The following PTPRN2 variants were observed in gnomAD, a reference collection of about 807,000 sequenced individuals.
The protein encoded by PTPRN2 is receptor-type tyrosine-protein phosphatase N2.
A neutral mutation model predicts 118.8 loss-of-function variants in PTPRN2; 74 were observed. The ratio of observed to expected loss-of-function variants is 0.62; its 90% CI spans 0.52 to 0.76. PTPRN2 has a LOEUF of 0.76. Ranked by LOEUF, PTPRN2 falls within the 30% of genes least tolerant of loss-of-function variation. The pLI is 0.00. For synonymous variants in PTPRN2, 641 were observed against 608.0 expected (o/e 1.05, Z -0.80); for missense variants, 1,481 against 1,394.4 (o/e 1.06, Z -0.99).
At chr7:157,704,490 C>T (rs539805418) in intron 12 of PTPRN2, among the ~76,000 whole-genome samples, 116 of 152,354 alleles carry the variant, frequency 7.6e-4, no homozygotes, top group African/African-American at 2.6e-3. Flanking sequence ...CAAGAGACCA[C>T]GTGTGTGTGC....
chr7:158,370,007 G>A (rs184946829), intron 2 of PTPRN2, among the ~76,000 whole-genome samples: 1 of 152,308 alleles, frequency 6.6e-6, no homozygotes, highest in Non-Finnish European at 1.5e-5. Flanking sequence ...GTCCCGGGAA[G>A]TCACCTCAGT....
intron 2 of PTPRN2, among the ~76,000 whole-genome samples, chr7:158,447,244 TC>T (rs1320689778): frequency 6.6e-6 from 1 of 152,166 alleles, no homozygotes; most frequent in Non-Finnish European, 1.5e-5. Context: ...CCCTGCAGCC[TC>T]CACCGTTAAG....
chr7:158,471,789 T>C (rs1403581150), intron 2 of PTPRN2, among the ~76,000 whole-genome samples: 1 of 152,132 alleles, frequency 6.6e-6, no homozygotes, highest in Non-Finnish European at 1.5e-5. Flanking sequence ...ATCATTTCTC[T>C]GATTTCTGAA....
At position 157,895,518 on chromosome 7, in the gene PTPRN2, G is replaced by T. The variant is rs1020811537; in HGVS notation, c.1788+3155C>A. Among the ~76,000 whole-genome samples the T allele has an allele frequency of 2.0e-5, 3 of 152,252 alleles. No individual in the cohort carries two copies. In the South Asian group the frequency reaches 6.2e-4, roughly 32 times the overall value. Reference sequence around the variant, plus strand: ...ATCAAACACATAATCAAAGTAGAAGGCAAAATAACAGATTTGATAAATTAC... The same window carrying T: ...ATCAAACACATAATCAAAGTAGAAGTCAAAATAACAGATTTGATAAATTAC... On this transcript the variant is annotated intron_variant, in intron 12 of 22. Transcript: ENST00000389418.
Position 158,015,835 on chromosome 7 carries a change from C to T in PTPRN2, c.1723+65463G>A, listed in dbSNP as rs1221881056. Among the ~76,000 whole-genome samples the T allele has an allele frequency of 6.6e-6, 1 of 152,118 alleles. No individual in the cohort carries two copies. Among genetic ancestry groups the T allele is most frequent in the Non-Finnish European group, 1.5e-5 (1 of 68,030 alleles). Reference sequence around the variant, plus strand: ...ATTCACTACAGCCTAGTAATTAAGACAAAAATAGACACGGAAGCCGCGATC... The same window carrying T: ...ATTCACTACAGCCTAGTAATTAAGATAAAAATAGACACGGAAGCCGCGATC... On this transcript the variant is annotated intron_variant, in intron 11 of 22. Transcript: ENST00000389418. The surrounding 1 kb of genome is among the most constrained non-coding windows in gnomAD (Gnocchi z 4.2).
chr7:158,020,759 C>T (rs1346405811), intron 11 of PTPRN2, among the ~76,000 whole-genome samples: 1 of 152,146 alleles, frequency 6.6e-6, no homozygotes, highest in Non-Finnish European at 1.5e-5. Context: ...AAGTAGGGAT[C>T]CTGTGTCAAG....
intron 1 of PTPRN2, among the ~76,000 whole-genome samples, chr7:158,536,738 G>C (rs1369152415): frequency 6.6e-6 from 1 of 151,804 alleles, no homozygotes; most frequent in East Asian, 1.9e-4. Context: ...GAAGACACAA[G>C]GGCCTTCCCA....
chr7:158,381,732 T>C (rs915194510), intron 2 of PTPRN2, among the ~76,000 whole-genome samples: 1 of 152,210 alleles, frequency 6.6e-6, no homozygotes, highest in South Asian at 2.1e-4. Context: ...GATAAAGACA[T>C]ACCCGAGACT....
intron 13 of PTPRN2, among the ~76,000 whole-genome samples, chr7:157,661,192 CAGTG>C (rs1288683073): frequency 6.6e-6 from 1 of 152,278 alleles, no homozygotes; most frequent in African/African-American, 2.4e-5. Context: ...CGGCTCTCAC[CAGTG>C]GTCTCGCGTC....
intron 3 of PTPRN2, among the ~76,000 whole-genome samples, chr7:158,265,667 G>C (rs938350659): frequency 6.6e-6 from 1 of 152,236 alleles, no homozygotes; most frequent in Non-Finnish European, 1.5e-5. Context: ...AGGCCTGGCA[G>C]AACTGTGTGA....
At chr7:157,793,763 T>C (rs1196276540) in intron 12 of PTPRN2, among the ~76,000 whole-genome samples, 2 of 152,180 alleles carry the variant, frequency 1.3e-5, no homozygotes, top group Non-Finnish European at 2.9e-5. Context: ...GCATAATTCG[T>C]GGCACCCCTG....
rs1179479578 is a variant in PTPRN2 at position 157,598,981 on chromosome 7, C to G, written c.2419-3666G>C. On this transcript the variant is annotated intron_variant, in intron 16 of 22. Coordinates refer to ENST00000389418, the MANE Select transcript of PTPRN2 (RefSeq NM_002847.5). This position sits in a 1 kb window ranked among gnomAD's most constrained non-coding sequence, Gnocchi z 5.2. ...TTCATGAAAATCAACAGCCAGAAGG[C>G]AAGTACAATTAACAGTATAATTCTG... Among the ~76,000 whole-genome samples the G allele has an allele frequency of 3.3e-5, 5 of 151,918 alleles. No homozygotes were observed. Among genetic ancestry groups the G allele is most frequent in the Admixed American group, 1.3e-4 (2 of 15,240 alleles).
At chr7:158,341,598 A>G (rs1806815505) in intron 2 of PTPRN2, among the ~76,000 whole-genome samples, 1 of 87,644 alleles carries the variant, frequency 1.1e-5, no homozygotes. Context: ...ACACCCGCAG[A>G]CATCACTCAC....
chr7:157,575,631 G>C (rs1799994489), intron 19 of PTPRN2, among the ~76,000 whole-genome samples: 1 of 152,260 alleles, frequency 6.6e-6, no homozygotes, highest in Non-Finnish European at 1.5e-5. Context: ...ATTCCACAGA[G>C]AATTCAAAAA....
rs1172939668 is a variant in PTPRN2, at chr7:158,291,715, C to G, written c.277+25104G>C. ...TGTTAAATGAAATTCCCTGTCTGCACCAATGTTCCTGCACTTTGTAACTCG... is the reference window on the plus strand; with the variant it reads ...TGTTAAATGAAATTCCCTGTCTGCAGCAATGTTCCTGCACTTTGTAACTCG... On this transcript the variant is annotated intron_variant, in intron 3 of 22. Coordinates refer to ENST00000389418, the MANE Select transcript of PTPRN2 (RefSeq NM_002847.5). Among the ~76,000 whole-genome samples, 5 of 152,208 alleles carry G rather than the reference C, an allele frequency of 3.3e-5. No individual in the cohort carries two copies. The East Asian group carries it at 9.6e-4, about 29-fold the overall frequency.
chr7:157,683,682 T>A (rs1563341171), intron 12 of PTPRN2, among the ~76,000 whole-genome samples: 1 of 151,972 alleles, frequency 6.6e-6, no homozygotes. Flanking sequence ...AGGGCGGGGG[T>A]AGGGCTGGTG....
chr7:158,265,347 C>T (rs923970916), intron 3 of PTPRN2, among the ~76,000 whole-genome samples: 2 of 152,066 alleles, frequency 1.3e-5, no homozygotes, highest in African/African-American at 4.8e-5. Context: ...TGGATGCACA[C>T]CTGCAGGCAG....
At chr7:157,747,449 C>T (rs1445384986) in intron 12 of PTPRN2, among the ~76,000 whole-genome samples, 1 of 120,590 alleles carries the variant, frequency 8.3e-6, no homozygotes. Flanking sequence ...GATTCTGAGG[C>T]CTGCGTCCCT....
chr7:157,902,387 G>A (rs564119359), intron 11 of PTPRN2, among the ~76,000 whole-genome samples: 23 of 152,012 alleles, frequency 1.5e-4, no homozygotes, highest in African/African-American at 5.6e-4. Context: ...CAACCTCACC[G>A]TGGCCTCAAG....
Sources: gnomAD v4.1 joint callset for allele counts (sites outside exome capture counted in the v4.1 genomes callset) on GRCh38, gnomAD v4.1.1 for gene constraint, Gnocchi (gnomAD v3.1) non-coding constraint, MANE v1.5 for transcripts, NCBI Gene and HGNC (gene_info 2026-07-23, HGNC 2026-07-21) for gene names.